The following NLK variants were observed in gnomAD, a reference collection of about 807,000 sequenced individuals.
NLK encodes the protein serine/threonine-protein kinase NLK.
A neutral mutation model predicts 59.0 loss-of-function variants in NLK; 11 were observed. The observed-to-expected ratio is 0.19, with a 90% CI of 0.12 to 0.31. The LOEUF (loss-of-function observed/expected upper bound fraction) is 0.31. Among genes scored for constraint, NLK ranks in the 10% least tolerant of loss-of-function variants. The pLI, the probability that NLK is intolerant of heterozygous loss-of-function variation, is 1.00. For missense variants in NLK, 410 were observed against 661.1 expected (o/e 0.62, Z 4.16); for synonymous variants, 235 against 235.9 (o/e 1.00, Z 0.03).
intron 1 of NLK, among the ~76,000 whole-genome samples, chr17:28,070,095 G>A (rs1470599301): frequency 6.6e-6 from 1 of 151,764 alleles, no homozygotes; most frequent in African/African-American, 2.4e-5. Context: ...AATTAGTGAG[G>A]CATAGTGGCC....
intron 3 of NLK, among the ~76,000 whole-genome samples, chr17:28,137,212 A>G (rs1289458035): frequency 6.6e-6 from 1 of 152,098 alleles, no homozygotes; most frequent in Non-Finnish European, 1.5e-5. Flanking sequence ...AATATTTTGA[A>G]TTTTAAATAA....
chr17:28,205,695 C>G, the NLK span, among the ~76,000 whole-genome samples: 2 of 151,988 alleles, frequency 1.3e-5, no homozygotes, highest in Non-Finnish European at 2.9e-5. Flanking sequence ...CATGCCCTGC[C>G]CCTGGTAACC....
chr17:28,185,298 G>A, intron 8 of NLK, 33 bp downstream of exon 8: 1 of 1,272,160 alleles, frequency 7.9e-7, no homozygotes, highest in Non-Finnish European at 1.1e-6. Flanking sequence ...TATTTTTAAT[G>A]AATTACAAAT....
chr17:28,099,642 A>C (rs1419591039), intron 1 of NLK, among the ~76,000 whole-genome samples: 2 of 141,504 alleles, frequency 1.4e-5, no homozygotes, highest in African/African-American at 5.5e-5. Flanking sequence ...GCAGTGGCGC[A>C]ATCTCGGCTC....
At chr17:28,054,588 G>A (rs1346530035) in intron 1 of NLK, among the ~76,000 whole-genome samples, 1 of 151,928 alleles carries the variant, frequency 6.6e-6, no homozygotes, top group Non-Finnish European at 1.5e-5. Flanking sequence ...ATATATACAG[G>A]GATTAAATTA....
At chr17:28,097,618 C>T (rs1270240667) in intron 1 of NLK, among the ~76,000 whole-genome samples, 2 of 151,818 alleles carry the variant, frequency 1.3e-5, no homozygotes, top group African/African-American at 4.8e-5. Context: ...AATTATTTAC[C>T]CTAAATAATT....
intron 1 of NLK, among the ~76,000 whole-genome samples, chr17:28,114,123 G>C (rs531059677): frequency 6.6e-6 from 1 of 152,018 alleles, no homozygotes; most frequent in Non-Finnish European, 1.5e-5. Context: ...TTTGTATACT[G>C]TATATTATAT....
intron 3 of NLK, among the ~76,000 whole-genome samples, chr17:28,145,763 T>C (rs1408686818): frequency 1.3e-5 from 2 of 152,062 alleles, no homozygotes; most frequent in Non-Finnish European, 2.9e-5. Flanking sequence ...TGGAGTGCAG[T>C]GGCATGATCT....
intron 10 of NLK, among the ~76,000 whole-genome samples, chr17:28,192,679 AC>A (rs1909351375): frequency 6.6e-6 from 1 of 151,972 alleles, no homozygotes; most frequent in Non-Finnish European, 1.5e-5. Flanking sequence ...AAAAAAAAAA[AC>A]AAAAAACTGT....
chr17:28,154,855 G>A (rs533169841), intron 3 of NLK, among the ~76,000 whole-genome samples: 31 of 152,130 alleles, frequency 2.0e-4, no homozygotes, highest in African/African-American at 5.8e-4. Flanking sequence ...CCAACATGGC[G>A]AAACCCCATC....
At chr17:28,156,579 G>T (rs890146999) in intron 3 of NLK, among the ~76,000 whole-genome samples, 2 of 152,102 alleles carry the variant, frequency 1.3e-5, no homozygotes, top group Non-Finnish European at 2.9e-5. Flanking sequence ...GGAGGGGGAG[G>T]GGGATGGTCA....
chr17:28,161,404 T>C (rs1907998771), intron 4 of NLK, 138 bp downstream of exon 4: 1 of 558,282 alleles, frequency 1.8e-6, no homozygotes, highest in East Asian at 2.9e-5. Context: ...GCATATTTTA[T>C]AATTTCTATA....
Position 28,194,577 on chromosome 17 carries a change from T to A in NLK, c.1530-5T>A, listed in dbSNP as rs1223169689. 6.3e-7 allele frequency: 1 copy of A among 1,592,858 alleles called. No homozygotes were observed. The highest frequency in any genetic ancestry group is 1.3e-5 in the African/African-American group (1 of 74,862). On this transcript the variant is annotated splice_polypyrimidine_tract_variant and splice_region_variant and intron_variant, in intron 10 of 10. Coordinates refer to ENST00000407008, the MANE Select transcript of NLK (RefSeq NM_016231.5). ...ACTAATTTCTCCATCTCTGTTTTCT[T>A]CCAGTTCCACTGTTGCTCAGCCATC...
intron 2 of NLK, among the ~76,000 whole-genome samples, chr17:28,127,204 C>T (rs1362619322): frequency 6.6e-6 from 1 of 152,066 alleles, no homozygotes; most frequent in Non-Finnish European, 1.5e-5. Flanking sequence ...ATCTAAGGGC[C>T]TGGAGTGATA....
chr17:28,059,183 C>T (rs953789042), intron 1 of NLK, among the ~76,000 whole-genome samples: 6 of 151,800 alleles, frequency 4.0e-5, no homozygotes, highest in South Asian at 2.1e-4. Context: ...TAAAAGATCC[C>T]GATTTCTTCA....
intron 7 of NLK, among the ~76,000 whole-genome samples, chr17:28,176,358 TTTAAGTAA>T (rs1358366101): frequency 6.6e-6 from 1 of 152,246 alleles, no homozygotes; most frequent in Non-Finnish European, 1.5e-5. Flanking sequence ...GTAGTTTTCA[TTTAAGTAA>T]TTACTCAAAG....
intron 4 of NLK, among the ~76,000 whole-genome samples, chr17:28,162,939 A>G (rs978154537): frequency 6.6e-6 from 1 of 152,080 alleles, no homozygotes; most frequent in African/African-American, 2.4e-5. Context: ...AAGAAAAGAA[A>G]AAAAGAAAAA....
chr17:28,104,358 GA>G lies in NLK; in HGVS notation c.459-18243del, dbSNP rs370179825. Among the ~76,000 whole-genome samples the G allele has an allele frequency of 6.6e-3, 1,000 of 152,126 alleles. 16 individuals carry two copies. The highest frequency in any genetic ancestry group is 0.022 in the African/African-American group (931 of 41,520). Reference sequence around the variant, plus strand: ...CAACATCCGCCTCCCGGGTTCAAGCGAATTCTCCTTCCTTAGCCTCCTGAGT... The same window carrying G: ...CAACATCCGCCTCCCGGGTTCAAGCGATTCTCCTTCCTTAGCCTCCTGAGT... On this transcript the variant is annotated intron_variant, in intron 1 of 10. Coordinates refer to ENST00000407008, the MANE Select transcript of NLK (RefSeq NM_016231.5).
intron 1 of NLK, among the ~76,000 whole-genome samples, chr17:28,052,435 C>T (rs1909291243): frequency 1.3e-5 from 2 of 152,052 alleles, no homozygotes; most frequent in African/African-American, 4.8e-5. Context: ...TGCATGTGGG[C>T]CTCCCAGAAA....
Sources: allele counts gnomAD v4.1 joint callset (sites outside exome capture counted in the v4.1 genomes callset), GRCh38; gene constraint gnomAD v4.1.1; transcripts MANE v1.5; gene names NCBI Gene and HGNC (gene_info 2026-07-23, HGNC 2026-07-21).